Variants in MYO1E observed in about 807,000 individuals in gnomAD.
MYO1E encodes the protein unconventional myosin-Ie.
A neutral mutation model predicts 151.1 loss-of-function variants in MYO1E; 68 were observed. That is an observed-to-expected ratio of 0.45 (90% CI 0.37 to 0.55). MYO1E has a LOEUF of 0.55. MYO1E is among the 20% of genes least tolerant of loss of function. The probability of loss-of-function intolerance (pLI) is 0.00; values close to 1 mark genes in which losing one functional copy is unlikely to be tolerated. For missense variants in MYO1E, 1,363 were observed against 1,389.3 expected (o/e 0.98, Z 0.30); for synonymous variants, 601 against 501.7 (o/e 1.20, Z -2.64).
At chr15:59,225,119 G>C (rs1304809945) in intron 7 of MYO1E, among the ~76,000 whole-genome samples, 1 of 152,180 alleles carries the variant, frequency 6.6e-6, no homozygotes, top group African/African-American at 2.4e-5. Flanking sequence ...CTTAGTTCCT[G>C]CCCAACTTGC....
At chr15:59,250,743 G>C (rs1251438698) in intron 4 of MYO1E, among the ~76,000 whole-genome samples, 2 of 152,114 alleles carry the variant, frequency 1.3e-5, no homozygotes, top group African/African-American at 4.8e-5. Context: ...CCTTAACCTG[G>C]AGTTTGGCCC....
intron 1 of MYO1E, among the ~76,000 whole-genome samples, chr15:59,280,280 A>G (rs1467786902): frequency 5.3e-5 from 8 of 152,228 alleles, no homozygotes; most frequent in Non-Finnish European, 1.0e-4. Flanking sequence ...AATGTATTCC[A>G]TCAACTCTAA....
At chr15:59,355,564 A>T (rs1235755171) in intron 1 of MYO1E, among the ~76,000 whole-genome samples, 2 of 152,352 alleles carry the variant, frequency 1.3e-5, no homozygotes, top group Non-Finnish European at 2.9e-5. Flanking sequence ...TTATGCGCAC[A>T]GTTTGACCCT....
intron 17 of MYO1E, among the ~76,000 whole-genome samples, chr15:59,191,332 C>CAGAGAGAGAGAGAGAGAGAGAGAGAG (rs34694267): frequency 3.5e-4 from 37 of 105,730 alleles, no homozygotes; most frequent in African/African-American, 1.1e-3. Context: ...CAGACAGAGA[C>CAGAGAGAGAGAGAGAGAGAGAGAGAG]AGAGAGAGAG....
chr15:59,343,211 T>G (rs1452021031), intron 1 of MYO1E, among the ~76,000 whole-genome samples: 1 of 152,184 alleles, frequency 6.6e-6, no homozygotes, highest in Non-Finnish European at 1.5e-5. Flanking sequence ...GATAAATCCC[T>G]CAGCTTTTGT....
chr15:59,204,269 T>G (rs928278703), intron 15 of MYO1E, among the ~76,000 whole-genome samples: 3 of 151,396 alleles, frequency 2.0e-5, no homozygotes, highest in African/African-American at 7.3e-5. Context: ...GAGCAGAGGG[T>G]GAGGAGGGGT....
chr15:59,362,999 G>A (rs1211442026), intron 1 of MYO1E, among the ~76,000 whole-genome samples: 16 of 118,144 alleles, frequency 1.4e-4, no homozygotes, highest in Admixed American at 5.6e-4. Context: ...TTTTTGAGAC[G>A]GAGTCTCGCT....
rs373394166 is a variant in MYO1E, at chr15:59,179,861, T to A, written c.1905-1324A>T. 8.1e-5 allele frequency among the ~76,000 whole-genome samples: 12 copies of A among 148,352 alleles called. No homozygotes were observed. The East Asian group carries it at 1.7e-3, about 21-fold the overall frequency. On this transcript the variant is annotated intron_variant, in intron 18 of 27. Coordinates refer to ENST00000288235, the MANE Select transcript of MYO1E (RefSeq NM_004998.4). ...AGTTTGTCAAATATGGATAGAATCA[T>A]CATGGGTATGTGTGGGTGTGAAGTT...
At chr15:59,334,532 T>C (rs2080717131) in intron 1 of MYO1E, among the ~76,000 whole-genome samples, 1 of 149,542 alleles carries the variant, frequency 6.7e-6, no homozygotes, top group Non-Finnish European at 1.5e-5. Context: ...CACAGAAAAA[T>C]GCTACCAAAT....
rs368598676 is a variant in MYO1E at position 59,236,581 on chromosome 15, T to C, written c.420+4A>G. 1.4e-5 allele frequency: 22 copies of C among 1,608,200 alleles called. No homozygotes were observed. Among genetic ancestry groups the C allele is most frequent in the Non-Finnish European group, 1.8e-5 (21 of 1,174,822 alleles). ...GGTATCATAATGGGCCACTGCCCAC[T>C]CACCTGGACTTTGGTCCCTCCTCCA... On this transcript the variant is annotated splice_donor_region_variant and intron_variant, in intron 5 of 27. Coordinates refer to ENST00000288235, the MANE Select transcript of MYO1E (RefSeq NM_004998.4).
At position 59,239,682 on chromosome 15, in the gene MYO1E, AT is replaced by A. The variant is rs541588556; in HGVS notation, c.333-3011del. On this transcript the variant is annotated intron_variant, in intron 4 of 27. Coordinates refer to ENST00000288235, the MANE Select transcript of MYO1E (RefSeq NM_004998.4). ...TAAGTATACCAGTTCCAAAAATAGGATATCTGCATTCTCAGCAACTATGATC... is the reference window on the plus strand; with the variant it reads ...TAAGTATACCAGTTCCAAAAATAGGAATCTGCATTCTCAGCAACTATGATC... Among the ~76,000 whole-genome samples, 32 of 152,350 alleles carry A rather than the reference AT, an allele frequency of 2.1e-4. No homozygotes were observed. In the South Asian group the frequency reaches 2.3e-3, roughly 11 times the overall value.
intron 1 of MYO1E, 104 bp from the exon 2 acceptor site, chr15:59,272,553 C>T: frequency 8.1e-7 from 1 of 1,239,644 alleles, no homozygotes; most frequent in Non-Finnish European, 1.2e-6. Context: ...TAAAATGTAG[C>T]AGAAAGAGCA....
rs757163988 is a variant in MYO1E at position 59,195,527 on chromosome 15, G to A, written c.1739C>T (p.Thr580Met). 5.2e-5 allele frequency: 84 copies of A among 1,614,040 alleles called. 1 individual carries two copies. The highest frequency in any genetic ancestry group is 2.6e-4 in the South Asian group (24 of 91,072). The change falls in exon 17 of 28, where the codon ACG becomes ATG. Residue 580 changes from threonine to methionine, a missense_variant. Thr to Met is a moderately conservative substitution (Grantham distance 81). Transcript: ENST00000288235. Reference protein sequence around the residue: ...NDLVSTLMKCTPHYIRCIKPN... With the variant: ...NDLVSTLMKCMPHYIRCIKPN... Reference sequence around the variant, plus strand: ...CTTGATGCAGCGAATGTAGTGGGGCGTACATTTCATCAGGGTGCTCACAAG... The same window carrying A: ...CTTGATGCAGCGAATGTAGTGGGGCATACATTTCATCAGGGTGCTCACAAG...
At chr15:59,351,101 G>A (rs144521121) in intron 1 of MYO1E, among the ~76,000 whole-genome samples, 3,050 of 152,196 alleles carry the variant, frequency 0.02, 48 homozygotes, top group African/African-American at 0.043. Flanking sequence ...GGGTTTCACC[G>A]TGTTAGCCAG....
chr15:59,176,996 GA>G (rs1434770289), intron 19 of MYO1E, among the ~76,000 whole-genome samples: 1 of 151,590 alleles, frequency 6.6e-6, no homozygotes. Context: ...AACTGAAGCA[GA>G]AAAAAAAGTA....
intron 1 of MYO1E, among the ~76,000 whole-genome samples, chr15:59,355,151 C>T (rs2080846317): frequency 6.6e-6 from 1 of 152,148 alleles, no homozygotes; most frequent in Admixed American, 6.5e-5. Context: ...GCCAATTCTA[C>T]CCCATGCCAG....
chr15:59,313,066 T>A (rs925881631), intron 1 of MYO1E, among the ~76,000 whole-genome samples: 1 of 152,194 alleles, frequency 6.6e-6, no homozygotes, highest in Non-Finnish European at 1.5e-5. Context: ...CAGCAATCTG[T>A]GCTTTAACAA....
intron 1 of MYO1E, among the ~76,000 whole-genome samples, chr15:59,335,950 C>T (rs2080725852): frequency 6.6e-6 from 1 of 151,610 alleles, no homozygotes; most frequent in Non-Finnish European, 1.5e-5. Context: ...GTGCTGTGGG[C>T]TCTCTCTGGT....
At chr15:59,171,850 G>A in intron 22 of MYO1E, 47 bp downstream of exon 22, 1 of 1,613,184 alleles carries the variant, frequency 6.2e-7, no homozygotes, top group Non-Finnish European at 8.5e-7. Context: ...GGACCGTGAT[G>A]CTGAGGCGAG....
Sources: allele counts gnomAD v4.1 joint callset (sites outside exome capture counted in the v4.1 genomes callset), GRCh38; gene constraint gnomAD v4.1.1; transcripts MANE v1.5; gene names NCBI Gene and HGNC (gene_info 2026-07-23, HGNC 2026-07-21).